Variants in NOL4 observed in about 807,000 individuals in gnomAD.
NOL4 encodes the protein nucleolar protein 4, also known as cancer/testis antigen 125.
In NOL4, 17 loss-of-function variants were observed where a neutral mutation model predicts 75.9. The ratio of observed to expected loss-of-function variants is 0.22; its 90% CI spans 0.15 to 0.34. NOL4 has a LOEUF of 0.34. Ranked by LOEUF, NOL4 falls within the 10% of genes least tolerant of loss-of-function variation. The pLI is 1.00. For missense variants in NOL4, 614 were observed against 793.5 expected (o/e 0.77, Z 2.72); for synonymous variants, 292 against 289.9 (o/e 1.01, Z -0.07).
At chr18:34,009,708 C>T (rs755188799) in intron 6 of NOL4, among the ~76,000 whole-genome samples, 4 of 151,900 alleles carry the variant, frequency 2.6e-5, no homozygotes, top group Non-Finnish European at 5.9e-5. Context: ...AGCTGGGGGT[C>T]TCAGCATCAG....
At chr18:34,006,332 T>C (rs2074024761) in intron 6 of NOL4, among the ~76,000 whole-genome samples, 1 of 152,008 alleles carries the variant, frequency 6.6e-6, no homozygotes, top group Non-Finnish European at 1.5e-5. Context: ...CTTCTGAGAG[T>C]GCCTGCAAGG....
intron 5 of NOL4, among the ~76,000 whole-genome samples, chr18:34,026,921 A>G (rs549124547): frequency 8.5e-5 from 13 of 152,302 alleles, no homozygotes; most frequent in Middle Eastern, 3.4e-3. Flanking sequence ...AAATTCTACT[A>G]GTATATCTCA....
chr18:34,159,792 A>C (rs1447244509), intron 1 of NOL4, among the ~76,000 whole-genome samples: 1 of 151,718 alleles, frequency 6.6e-6, no homozygotes, highest in Non-Finnish European at 1.5e-5. Context: ...GTGTCTGGGG[A>C]GCAAAGGAAG....
intron 9 of NOL4, among the ~76,000 whole-genome samples, chr18:33,924,034 G>A (rs1315523320): frequency 6.6e-6 from 1 of 152,190 alleles, no homozygotes; most frequent in Non-Finnish European, 1.5e-5. Context: ...AAAGGAGAAA[G>A]ATGGCCACTA....
chr18:33,942,946 A>G, intron 9 of NOL4, 119 bp downstream of exon 9: 2 of 652,162 alleles, frequency 3.1e-6, no homozygotes, highest in Non-Finnish European at 5.3e-6. Context: ...AGGACACAAA[A>G]ACTATATCTC....
chr18:33,925,951 G>A (rs573240402), intron 9 of NOL4, among the ~76,000 whole-genome samples: 57 of 152,142 alleles, frequency 3.7e-4, no homozygotes, highest in Non-Finnish European at 6.2e-4. Flanking sequence ...CTAATATGTC[G>A]TGTAATAAAT....
At chr18:33,860,891 T>C (rs2063091759) in intron 10 of NOL4, among the ~76,000 whole-genome samples, 4 of 152,172 alleles carry the variant, frequency 2.6e-5, no homozygotes, top group Admixed American at 2.6e-4. Flanking sequence ...ATTGAGATAA[T>C]CATGTGGTTT....
chr18:33,977,886 C>A lies in NOL4; in HGVS notation c.1057-19468G>T, dbSNP rs564820823. Among the ~76,000 whole-genome samples the A allele has an allele frequency of 1.5e-3, 222 of 152,264 alleles. 4 individuals are homozygous for A. The South Asian group carries it at 0.045, about 31-fold the overall frequency. On this transcript the variant is annotated intron_variant, in intron 6 of 10. Coordinates refer to ENST00000261592, the MANE Select transcript of NOL4 (RefSeq NM_003787.5). ...TTTCCCTGACTGGAAAAAGACTTCA[C>A]ATGTGGTTTCCTAGGCTCCTTCCCA...
chr18:33,938,975 A>G (rs1327884452), intron 9 of NOL4, among the ~76,000 whole-genome samples: 1 of 152,130 alleles, frequency 6.6e-6, no homozygotes, highest in Non-Finnish European at 1.5e-5. Context: ...GAAAAGGTCC[A>G]GTTTCAGCTT....
chr18:34,065,761 A>G (rs572839393), intron 5 of NOL4, among the ~76,000 whole-genome samples: 1 of 152,118 alleles, frequency 6.6e-6, no homozygotes, highest in South Asian at 2.1e-4. Flanking sequence ...TGAATAATCT[A>G]TTAACTACAT....
At chr18:33,869,365 T>C (rs2063584979) in intron 10 of NOL4, among the ~76,000 whole-genome samples, 1 of 152,066 alleles carries the variant, frequency 6.6e-6, no homozygotes, top group African/African-American at 2.4e-5. Context: ...AAGTGTTTTA[T>C]AGACAAGCTA....
intron 9 of NOL4, among the ~76,000 whole-genome samples, chr18:33,908,382 G>A (rs1452644): frequency 0.98 from 149,067 of 152,266 alleles, 72,990 homozygotes; most frequent in East Asian, 1. Context: ...AATTAGAAAC[G>A]GGTGTGCCAA....
intron 10 of NOL4, among the ~76,000 whole-genome samples, chr18:33,859,090 A>G (rs2062970804): frequency 6.6e-6 from 1 of 151,830 alleles, no homozygotes; most frequent in African/African-American, 2.4e-5. Context: ...AGTCTTCCCT[A>G]TTGCTTCTTT....
At chr18:33,880,013 A>C (rs891130124) in intron 10 of NOL4, among the ~76,000 whole-genome samples, 3 of 152,102 alleles carry the variant, frequency 2.0e-5, no homozygotes, top group African/African-American at 7.2e-5. Context: ...TTGTTAAAAA[A>C]ATTCTGTTAA....
intron 1 of NOL4, among the ~76,000 whole-genome samples, chr18:34,170,350 G>C (rs774319962): frequency 4.0e-5 from 6 of 151,676 alleles, no homozygotes; most frequent in Non-Finnish European, 7.4e-5. Flanking sequence ...GCTAATTTTT[G>C]TATTTTATTT....
intron 5 of NOL4, among the ~76,000 whole-genome samples, chr18:34,020,501 A>T (rs1274419822): frequency 6.6e-6 from 1 of 152,176 alleles, no homozygotes; most frequent in Non-Finnish European, 1.5e-5. Flanking sequence ...CACTTCTGGG[A>T]GTTTAATACC....
chr18:33,980,423 A>G (rs1265722131), intron 6 of NOL4, among the ~76,000 whole-genome samples: 1 of 152,086 alleles, frequency 6.6e-6, no homozygotes, highest in Non-Finnish European at 1.5e-5. Context: ...TAGCAAAAGG[A>G]GGGGAAAAGT....
intron 5 of NOL4, among the ~76,000 whole-genome samples, chr18:34,070,622 T>C (rs995555948): frequency 1.3e-5 from 2 of 152,118 alleles, no homozygotes; most frequent in Non-Finnish European, 2.9e-5. Flanking sequence ...ACATCCTCCT[T>C]TAAAAGTGAG....
intron 9 of NOL4, among the ~76,000 whole-genome samples, chr18:33,925,706 G>A (rs1254770724): frequency 6.6e-6 from 1 of 152,092 alleles, no homozygotes; most frequent in Non-Finnish European, 1.5e-5. Context: ...AATCCAAAGG[G>A]AGCTAAATAT....
Sources: gnomAD v4.1 joint callset for allele counts (sites outside exome capture counted in the v4.1 genomes callset) on GRCh38, gnomAD v4.1.1 for gene constraint, MANE v1.5 for transcripts, NCBI Gene and HGNC (gene_info 2026-07-23, HGNC 2026-07-21) for gene names.